The following THSD7B variants were observed in gnomAD, a reference collection of about 807,000 sequenced individuals.
THSD7B encodes thrombospondin type-1 domain-containing protein 7B.
Under a neutral mutation model 213.6 loss-of-function variants are expected in THSD7B, and 138 were observed. The observed-to-expected ratio is 0.65, with a 90% CI of 0.56 to 0.74. The LOEUF is 0.74. THSD7B is among the 30% of genes least tolerant of loss of function. The pLI, the probability that THSD7B is intolerant of heterozygous loss-of-function variation, is 0.00. For synonymous variants in THSD7B, 742 were observed against 687.0 expected (o/e 1.08, Z -1.25); for missense variants, 1,931 against 1,991.5 (o/e 0.97, Z 0.58).
chr2:136,862,234 C>T (rs1683267346), intron 1 of THSD7B, among the ~76,000 whole-genome samples: 2 of 152,172 alleles, frequency 1.3e-5, no homozygotes, highest in Non-Finnish European at 2.9e-5. Flanking sequence ...CATAGTCTGT[C>T]CTGTGGCCTC....
chr2:137,460,608 A>G (rs753588136), intron 15 of THSD7B, among the ~76,000 whole-genome samples: 22 of 152,186 alleles, frequency 1.4e-4, no homozygotes, highest in Non-Finnish European at 2.9e-4. Flanking sequence ...ATTCCTAAAC[A>G]CCTTATTTGG....
At chr2:137,002,715 G>T (rs1254654204) in intron 2 of THSD7B, among the ~76,000 whole-genome samples, 3 of 152,002 alleles carry the variant, frequency 2.0e-5, no homozygotes, top group African/African-American at 7.2e-5. Context: ...TCTGTGTCTT[G>T]TCTTAACCTG....
intron 15 of THSD7B, among the ~76,000 whole-genome samples, chr2:137,473,976 C>T (rs1428252294): frequency 3.9e-5 from 6 of 152,218 alleles, no homozygotes; most frequent in Middle Eastern, 6.8e-3. Flanking sequence ...AGATGTGCCA[C>T]GTTAGTCATA....
chr2:137,073,130 G>T (rs1402879567), intron 3 of THSD7B, among the ~76,000 whole-genome samples: 1 of 152,144 alleles, frequency 6.6e-6, no homozygotes, highest in African/African-American at 2.4e-5. Flanking sequence ...AAATGAGTTA[G>T]GGAGGATTCC....
rs750605298 is a variant in THSD7B, at chr2:137,056,821, G to A, written c.541G>A (p.Val181Ile). The change falls in exon 3 of 28, where the codon GTA (valine) becomes ATA (isoleucine). Residue 181 changes from valine (V) to isoleucine (I), a missense_variant. Coordinates refer to ENST00000409968, the MANE Select transcript of THSD7B (RefSeq NM_001316349.2). ...CCTCATTCCTTGTCCCCGGGATTGT[G>A]TAGTATCTGAGTTCTTACCATGGTC... The part of the protein sequence containing the change: ...ACLIPCPRDC[V>I]VSEFLPWSNC... The A allele has an allele frequency of 2.6e-5, 42 of 1,613,856 alleles. No homozygotes were observed. The East Asian group carries it at 6.5e-4, about 25-fold the overall frequency.
At chr2:136,868,587 T>C (rs1361574223) in intron 1 of THSD7B, among the ~76,000 whole-genome samples, 2 of 152,242 alleles carry the variant, frequency 1.3e-5, no homozygotes, top group African/African-American at 4.8e-5. Context: ...ATTAAATATT[T>C]AGAATCTTAC....
intron 12 of THSD7B, among the ~76,000 whole-genome samples, chr2:137,343,042 A>T (rs1684796944): frequency 6.7e-6 from 1 of 149,474 alleles, no homozygotes; most frequent in Non-Finnish European, 1.5e-5. Flanking sequence ...ATGCTGCCAC[A>T]TAAAAAGAAT....
At chr2:137,148,432 T>G (rs1387844527) in intron 5 of THSD7B, among the ~76,000 whole-genome samples, 1 of 152,070 alleles carries the variant, frequency 6.6e-6, no homozygotes, top group Non-Finnish European at 1.5e-5. Flanking sequence ...AATGTGGAAG[T>G]GACTTCAGGA....
intron 3 of THSD7B, among the ~76,000 whole-genome samples, chr2:137,091,335 G>A (rs1003705018): frequency 6.6e-6 from 1 of 151,806 alleles, no homozygotes; most frequent in Non-Finnish European, 1.5e-5. Flanking sequence ...AAATAGCATG[G>A]GGCTTTCTTT....
At chr2:137,011,316 C>G (rs1686227384) in intron 2 of THSD7B, among the ~76,000 whole-genome samples, 1 of 152,210 alleles carries the variant, frequency 6.6e-6, no homozygotes, top group South Asian at 2.1e-4. Context: ...TTATCTTTTT[C>G]AGTTAGTATA....
At chr2:136,940,859 A>T (rs1446055203) in intron 2 of THSD7B, among the ~76,000 whole-genome samples, 4 of 142,764 alleles carry the variant, frequency 2.8e-5, no homozygotes, top group Non-Finnish European at 4.6e-5. Flanking sequence ...TTCCATTCTT[A>T]GTTGTTTTTT....
chr2:137,667,220 G>A (rs1683467208), intron 26 of THSD7B, among the ~76,000 whole-genome samples: 1 of 152,056 alleles, frequency 6.6e-6, no homozygotes, highest in Non-Finnish European at 1.5e-5. Context: ...TGTTTGTTTG[G>A]TATTATGAAA....
chr2:136,881,660 A>G (rs1166208841), intron 1 of THSD7B, among the ~76,000 whole-genome samples: 1 of 152,040 alleles, frequency 6.6e-6, no homozygotes, highest in Non-Finnish European at 1.5e-5. Flanking sequence ...TTAACATTTA[A>G]CATAACATAT....
At chr2:137,656,758 A>G (rs1184926297) in intron 22 of THSD7B, 38 bp from the exon 23 acceptor site, 2 of 1,577,834 alleles carry the variant, frequency 1.3e-6, no homozygotes, top group African/African-American at 1.4e-5. Flanking sequence ...GCCACTTTTC[A>G]TGCTGTTTTC....
intron 2 of THSD7B, among the ~76,000 whole-genome samples, chr2:137,003,223 A>T (rs1686035468): frequency 6.6e-6 from 1 of 152,126 alleles, no homozygotes; most frequent in African/African-American, 2.4e-5. Flanking sequence ...GACATATAAA[A>T]CTCAGAGGCA....
chr2:137,611,011 AAAAAT>A (rs1346244717), intron 17 of THSD7B, among the ~76,000 whole-genome samples: 5 of 149,150 alleles, frequency 3.4e-5, no homozygotes, highest in Non-Finnish European at 5.9e-5. Context: ...ATAATAAATA[AAAAAT>A]AAAATAAAAA....
At chr2:137,313,201 T>C (rs1683968599) in intron 12 of THSD7B, among the ~76,000 whole-genome samples, 1 of 152,202 alleles carries the variant, frequency 6.6e-6, no homozygotes, top group Non-Finnish European at 1.5e-5. Flanking sequence ...CTGTATTGGA[T>C]GCATATATAT....
chr2:137,134,630 C>A (rs1489527574), intron 5 of THSD7B, among the ~76,000 whole-genome samples: 1 of 152,132 alleles, frequency 6.6e-6, no homozygotes, highest in East Asian at 1.9e-4. Flanking sequence ...TGTTTGTATA[C>A]CAAAGGGAAA....
At chr2:137,346,593 C>G (rs1410614779) in intron 12 of THSD7B, among the ~76,000 whole-genome samples, 1 of 151,566 alleles carries the variant, frequency 6.6e-6, no homozygotes, top group African/African-American at 2.4e-5. Flanking sequence ...TTTCTTCTTT[C>G]TGAAGCACAA....
Sources: gnomAD v4.1 joint callset for allele counts (sites outside exome capture counted in the v4.1 genomes callset) on GRCh38, gnomAD v4.1.1 for gene constraint, MANE v1.5 for transcripts, NCBI Gene and HGNC (gene_info 2026-07-23, HGNC 2026-07-21) for gene names.